The following GRM7 variants were observed in gnomAD, a reference collection of about 807,000 sequenced individuals.
The protein encoded by GRM7 is glutamate metabotropic receptor 7.
Under a neutral mutation model 84.5 loss-of-function variants are expected in GRM7, and 35 were observed. That is an observed-to-expected ratio of 0.41 (90% confidence interval 0.32 to 0.55). The LOEUF (loss-of-function observed/expected upper bound fraction) is 0.55, where lower values mean the gene tolerates loss of function less well. Ranked by LOEUF, GRM7 falls within the 20% of genes least tolerant of loss-of-function variation. The pLI is 0.19. For synonymous variants in GRM7, 487 were observed against 455.1 expected (o/e 1.07, Z -0.89); for missense variants, 1,003 against 1,194.6 (o/e 0.84, Z 2.36).
rs551809566 is a variant in GRM7 at position 7,500,826 on chromosome 3, G to A, written c.1515+39104G>A. ...TCCTGACATTCACCATGTGACAGACGTGCACTGGGGATACAAGGAGGATGA... is the reference window on the plus strand; with the variant it reads ...TCCTGACATTCACCATGTGACAGACATGCACTGGGGATACAAGGAGGATGA... On this transcript the variant is annotated intron_variant, in intron 7 of 9. Transcript: ENST00000357716. Among the ~76,000 whole-genome samples the A allele has an allele frequency of 1.1e-4, 16 of 152,138 alleles. No homozygotes were observed. In the South Asian group the frequency reaches 2.1e-3, roughly 20 times the overall value.
chr3:7,667,736 T>C (rs1319599729), intron 8 of GRM7, among the ~76,000 whole-genome samples: 1 of 151,984 alleles, frequency 6.6e-6, no homozygotes, highest in African/African-American at 2.4e-5. Flanking sequence ...TTTTATACTA[T>C]CTAAAGAAGG....
chr3:7,099,576 G>GTATATGTACACGCATTATACATGTA lies in GRM7; in HGVS notation c.520-46876_520-46875insTATATGTACACGCATTATACATGTA, dbSNP rs1559439433. Among the ~76,000 whole-genome samples the GTATATGTACACGCATTATACATGTA allele has an allele frequency of 1.1e-3, 94 of 87,986 alleles. 2 individuals carry two copies. The highest frequency in any genetic ancestry group is 2.0e-3 in the East Asian group (6 of 3,016). The allele number at this position is 87,986 out of a possible 152,430, so 57.7% of individuals were successfully genotyped here. On this transcript the variant is annotated intron_variant, in intron 1 of 9. Transcript: ENST00000357716. ...GTATATGTACACGCATTATACATGT[G>GTATATGTACACGCATTATACATGTA]CACATATATGTATATGTACACGCAT...
At chr3:7,252,239 G>A (rs1236761856) in intron 2 of GRM7, among the ~76,000 whole-genome samples, 1 of 152,148 alleles carries the variant, frequency 6.6e-6, no homozygotes, top group Non-Finnish European at 1.5e-5. Context: ...CTGTAAGGTG[G>A]TTGGAAAATG....
intron 5 of GRM7, among the ~76,000 whole-genome samples, chr3:7,438,637 G>A (rs964835089): frequency 1.3e-5 from 2 of 151,974 alleles, no homozygotes; most frequent in African/African-American, 4.8e-5. Context: ...TGTAAGGAGA[G>A]GCTACCTAAC....
At chr3:7,699,670 C>A (rs1456889426) in intron 9 of GRM7, among the ~76,000 whole-genome samples, 1 of 151,864 alleles carries the variant, frequency 6.6e-6, no homozygotes, top group Non-Finnish European at 1.5e-5. Flanking sequence ...TTTATCATGT[C>A]ATTGGGAAGG....
Position 7,578,652 on chromosome 3 carries a change from C to T in GRM7, c.1746C>T (p.Ile582=), listed in dbSNP as rs552009676. 3.1e-6 allele frequency: 5 copies of T among 1,613,938 alleles called. No individual in the cohort carries two copies. The South Asian group carries it at 4.4e-5, about 14-fold the overall frequency. The change falls in exon 8 of 10, where the codon ATC becomes ATT. Residue 582 remains isoleucine (I), a synonymous_variant. Transcript: ENST00000357716. ...CCGGATGCCAGGATATTCCCATCAT[C>T]AAACTGGAGTGGCACTCCCCCTGGG... The part of the protein sequence containing the change: ...NRTGCQDIPI[I]KLEWHSPWAV...
intron 1 of GRM7, among the ~76,000 whole-genome samples, chr3:6,911,383 T>C (rs1296007506): frequency 1.3e-5 from 2 of 152,122 alleles, no homozygotes; most frequent in Non-Finnish European, 2.9e-5. Context: ...AAAAGATAAA[T>C]AGTAGAAATT....
At chr3:7,239,145 A>G (rs1329426494) in intron 2 of GRM7, among the ~76,000 whole-genome samples, 2 of 151,780 alleles carry the variant, frequency 1.3e-5, no homozygotes, top group African/African-American at 4.8e-5. Flanking sequence ...GACTACAGGC[A>G]TGTGTCACCA....
intron 1 of GRM7, among the ~76,000 whole-genome samples, chr3:6,886,163 C>A (rs1238890055): frequency 6.6e-6 from 1 of 151,914 alleles, no homozygotes; most frequent in African/African-American, 2.4e-5. Context: ...TGGCAAATTT[C>A]AAGTAACCAG....
At chr3:7,070,105 A>G (rs1697810711) in intron 1 of GRM7, among the ~76,000 whole-genome samples, 1 of 152,146 alleles carries the variant, frequency 6.6e-6, no homozygotes, top group East Asian at 1.9e-4. Flanking sequence ...CCAAATCTGG[A>G]AAAGGATAGC....
intron 2 of GRM7, among the ~76,000 whole-genome samples, chr3:7,220,248 C>T (rs190856442): frequency 6.6e-6 from 1 of 152,276 alleles, no homozygotes; most frequent in Non-Finnish European, 1.5e-5. Flanking sequence ...GATGAAGTAA[C>T]TTTACAGTGG....
At chr3:7,174,084 A>G (rs1695068457) in intron 2 of GRM7, among the ~76,000 whole-genome samples, 1 of 152,110 alleles carries the variant, frequency 6.6e-6, no homozygotes, top group Non-Finnish European at 1.5e-5. Flanking sequence ...TTTAATCTCT[A>G]TTTTGAAGGG....
chr3:6,901,978 A>G (rs1268859923), intron 1 of GRM7, among the ~76,000 whole-genome samples: 1 of 152,100 alleles, frequency 6.6e-6, no homozygotes, highest in African/African-American at 2.4e-5. Flanking sequence ...CTGTCTTAAG[A>G]ACTTTTTTTT....
At chr3:7,645,295 T>A (rs1036414386) in intron 8 of GRM7, among the ~76,000 whole-genome samples, 30 of 151,988 alleles carry the variant, frequency 2.0e-4, no homozygotes, top group South Asian at 6.2e-4. Context: ...ACGCCTGTAA[T>A]CCCAGCACTT....
intron 7 of GRM7, among the ~76,000 whole-genome samples, chr3:7,513,757 T>C (rs1700287684): frequency 6.6e-6 from 1 of 152,164 alleles, no homozygotes. Context: ...ATAATAAAAA[T>C]TTTAAAAAAT....
At chr3:7,146,271 T>C (rs997338588) in intron 1 of GRM7, among the ~76,000 whole-genome samples, 181 bp from the exon 2 acceptor site, 3 of 152,212 alleles carry the variant, frequency 2.0e-5, no homozygotes, top group East Asian at 3.8e-4. Flanking sequence ...GTCAATACTT[T>C]TGTGCTGCGA....
chr3:7,595,290 T>G (rs1422757788), intron 8 of GRM7, among the ~76,000 whole-genome samples: 1 of 152,032 alleles, frequency 6.6e-6, no homozygotes, highest in African/African-American at 2.4e-5. Flanking sequence ...TTCTGATTGG[T>G]TGGTAGTCAT....
intron 7 of GRM7, among the ~76,000 whole-genome samples, chr3:7,496,772 T>A (rs577308999): frequency 4.5e-4 from 69 of 151,716 alleles, no homozygotes; most frequent in Non-Finnish European, 8.7e-4. Context: ...AAAATATAAT[T>A]ATAGATATAA....
In GRM7 at chr3:7,349,138, C is replaced by G. The variant is rs373192850; in HGVS notation, c.1033+42486C>G. On this transcript the variant is annotated intron_variant, in intron 4 of 9. Transcript: ENST00000357716. Reference sequence around the variant, plus strand: ...TCTTTAGCATGCAGTCTGACAGGCTCTTACAGTCGATTTCTGTGCTTCTGT... The same window carrying G: ...TCTTTAGCATGCAGTCTGACAGGCTGTTACAGTCGATTTCTGTGCTTCTGT... Among the ~76,000 whole-genome samples, 58 of 152,112 alleles carry G rather than the reference C, an allele frequency of 3.8e-4. 1 individual carries two copies. The South Asian group carries it at 9.3e-3, about 24-fold the overall frequency.
Sources: gnomAD v4.1 joint callset for allele counts (sites outside exome capture counted in the v4.1 genomes callset) on GRCh38, gnomAD v4.1.1 for gene constraint, MANE v1.5 for transcripts, NCBI Gene and HGNC (gene_info 2026-07-23, HGNC 2026-07-21) for gene names.